SGCZ: variants seen among roughly 807,000 people sequenced by gnomAD.
SGCZ encodes sarcoglycan zeta, also known as zeta-sarcoglycan.
Under a neutral mutation model 41.3 loss-of-function variants are expected in SGCZ, and 40 were observed. That is an observed-to-expected ratio of 0.97 (90% CI 0.75 to 1.26). SGCZ has a LOEUF of 1.26. Among genes scored for constraint, SGCZ ranks in the 50% most tolerant of loss-of-function variants. SGCZ has a pLI of 0.00. For missense variants in SGCZ, 552 were observed against 369.8 expected, an observed-to-expected ratio of 1.49 and a Z score of -4.04; for synonymous variants, 206 against 137.5, an observed-to-expected ratio of 1.50 and a Z score of -3.49.
At chr8:14,716,604 T>C (rs1363452607) in intron 1 of SGCZ, among the ~76,000 whole-genome samples, 2 of 152,106 alleles carry the variant, frequency 1.3e-5, no homozygotes, top group African/African-American at 2.4e-5. Context: ...AATCCAAAAT[T>C]CTATTTGTCT....
At chr8:14,599,648 C>G (rs573300505) in intron 1 of SGCZ, among the ~76,000 whole-genome samples, 31 of 152,150 alleles carry the variant, frequency 2.0e-4, no homozygotes, top group Non-Finnish European at 7.3e-5. Context: ...AATCTGAAGA[C>G]GCATATTCAT....
chr8:14,858,639 C>T (rs184492166), intron 1 of SGCZ, among the ~76,000 whole-genome samples: 2 of 152,026 alleles, frequency 1.3e-5, no homozygotes, highest in African/African-American at 4.8e-5. Flanking sequence ...ATAAACGAAC[C>T]TTTCCTACGT....
intron 1 of SGCZ, among the ~76,000 whole-genome samples, chr8:14,766,401 G>C (rs1800035954): frequency 6.6e-6 from 1 of 151,976 alleles, no homozygotes; most frequent in Non-Finnish European, 1.5e-5. Context: ...TTTACTTATT[G>C]GATCTTGTTC....
chr8:14,395,362 T>C (rs1461433847), intron 2 of SGCZ, among the ~76,000 whole-genome samples: 1 of 152,128 alleles, frequency 6.6e-6, no homozygotes, highest in African/African-American at 2.4e-5. Context: ...TCAGTCAAGT[T>C]AGCAGAAGAA....
chr8:14,670,113 G>C (rs905410708), intron 1 of SGCZ, among the ~76,000 whole-genome samples: 9 of 152,090 alleles, frequency 5.9e-5, no homozygotes, highest in Non-Finnish European at 1.2e-4. Context: ...AATTGTTTTT[G>C]ACAGTTTTAT....
chr8:14,459,968 A>T (rs1481428820), intron 2 of SGCZ, among the ~76,000 whole-genome samples: 4 of 152,188 alleles, frequency 2.6e-5, no homozygotes, highest in African/African-American at 7.2e-5. Context: ...ACTGAGACAC[A>T]ACTAAACAGA....
intron 1 of SGCZ, among the ~76,000 whole-genome samples, chr8:15,114,321 A>G (rs924841514): frequency 3.3e-5 from 5 of 152,064 alleles, no homozygotes; most frequent in African/African-American, 1.2e-4. Flanking sequence ...TTTTCCTTCC[A>G]CAATCTCTAG....
At chr8:14,452,468 G>T (rs972834447) in intron 2 of SGCZ, among the ~76,000 whole-genome samples, 69 of 151,958 alleles carry the variant, frequency 4.5e-4, no homozygotes, top group Non-Finnish European at 2.6e-4. Context: ...GGGTGACAGA[G>T]CAAGACTCGA....
chr8:14,858,205 T>C (rs886146670), intron 1 of SGCZ, among the ~76,000 whole-genome samples: 1 of 151,924 alleles, frequency 6.6e-6, no homozygotes, highest in Admixed American at 6.6e-5. Context: ...TGTATACACA[T>C]ATAAAATATA....
chr8:14,254,853 T>G (rs1447511804), intron 3 of SGCZ, among the ~76,000 whole-genome samples: 1 of 152,180 alleles, frequency 6.6e-6, no homozygotes, highest in African/African-American at 2.4e-5. Flanking sequence ...TGATCTGTAT[T>G]CATTTATATT....
rs1801616194 is a variant in SGCZ at position 14,089,286 on chromosome 8, G to C, written c.*1157C>G. ...TTCCCTAAAATATGAATGTAGTGAA[G>C]TAAACACATTTTCAATATTTATTAG... On this transcript the variant is annotated 3_prime_UTR_variant, in exon 8 of 8. Coordinates refer to ENST00000382080, the MANE Select transcript of SGCZ (RefSeq NM_139167.4). Among the ~76,000 whole-genome samples the C allele has an allele frequency of 6.6e-6, 1 of 151,964 alleles. No individual in the cohort carries two copies. Among genetic ancestry groups the C allele is most frequent in the South Asian group, 2.1e-4 (1 of 4,834 alleles).
intron 1 of SGCZ, among the ~76,000 whole-genome samples, chr8:15,072,094 A>G (rs970778541): frequency 2.0e-5 from 3 of 152,024 alleles, no homozygotes; most frequent in African/African-American, 7.2e-5. Context: ...CTCCTTCCTC[A>G]ACAACTGAAC....
At chr8:15,148,703 T>C (rs542761278) in intron 1 of SGCZ, among the ~76,000 whole-genome samples, 1 of 152,224 alleles carries the variant, frequency 6.6e-6, no homozygotes, top group African/African-American at 2.4e-5. Context: ...CAGGTGACAC[T>C]GATACGAGTT....
chr8:14,791,220 C>T (rs549338482), intron 1 of SGCZ, among the ~76,000 whole-genome samples: 2 of 152,112 alleles, frequency 1.3e-5, no homozygotes, highest in African/African-American at 4.8e-5. Context: ...TCTAATACCA[C>T]ATCCTTTAAA....
intron 1 of SGCZ, among the ~76,000 whole-genome samples, chr8:15,051,314 A>C (rs1804504959): frequency 1.3e-5 from 2 of 152,244 alleles, no homozygotes; most frequent in East Asian, 3.9e-4. Context: ...TTCACTCCAC[A>C]TAAGGTCTTG....
intron 1 of SGCZ, among the ~76,000 whole-genome samples, chr8:15,020,132 C>G (rs1803196448): frequency 6.6e-6 from 1 of 151,870 alleles, no homozygotes; most frequent in Admixed American, 6.6e-5. Context: ...TGGGAGTCAC[C>G]AAACAAACTG....
intron 1 of SGCZ, among the ~76,000 whole-genome samples, chr8:14,849,661 T>G (rs563417563): frequency 5.9e-5 from 9 of 151,882 alleles, no homozygotes; most frequent in Non-Finnish European, 1.3e-4. Context: ...CCAGGCAGAG[T>G]GGTTCTGAGG....
chr8:14,515,827 C>T (rs572152408), intron 2 of SGCZ, among the ~76,000 whole-genome samples: 15 of 152,064 alleles, frequency 9.9e-5, no homozygotes, highest in Non-Finnish European at 1.9e-4. Flanking sequence ...AAGTTTTAGT[C>T]TTTTTCAATT....
At chr8:14,757,699 T>A (rs1035986434) in intron 1 of SGCZ, among the ~76,000 whole-genome samples, 7 of 152,216 alleles carry the variant, frequency 4.6e-5, no homozygotes, top group African/African-American at 1.4e-4. Flanking sequence ...TCACAAAGAA[T>A]TGACCTTCCA....
Sources: allele counts gnomAD v4.1 joint callset (sites outside exome capture counted in the v4.1 genomes callset), GRCh38; gene constraint gnomAD v4.1.1; transcripts MANE v1.5; gene names NCBI Gene and HGNC (gene_info 2026-07-23, HGNC 2026-07-21).